The following CNTN1 variants were observed in gnomAD, a reference collection of about 807,000 sequenced individuals.
CNTN1 encodes the protein contactin-1.
Under a neutral mutation model 126.4 loss-of-function variants are expected in CNTN1, and 38 were observed. The observed-to-expected ratio is 0.30, with a 90% confidence interval of 0.23 to 0.39. The LOEUF is 0.39. Ranked by LOEUF, CNTN1 falls within the 10% of genes least tolerant of loss-of-function variation. The pLI, the probability that CNTN1 is intolerant of heterozygous loss-of-function variation, is 1.00. For missense variants in CNTN1, 1,009 were observed against 1,248.4 expected (o/e 0.81, Z 2.89); for synonymous variants, 413 against 422.6 (o/e 0.98, Z 0.28).
rs11179577 is a variant in CNTN1, at chr12:41,034,225, T to C, written c.2980+5006T>C. ...CTAATAAATCTGTAATTTATCCTGA[T>C]ATTACCACTGATGATGTAATCTGTA... On this transcript the variant is annotated intron_variant, in intron 23 of 23. Coordinates refer to ENST00000551295, the MANE Select transcript of CNTN1 (RefSeq NM_001843.4). Among the ~76,000 whole-genome samples, 727 of 152,316 alleles carry C rather than the reference T, an allele frequency of 4.8e-3. 9 individuals are homozygous for C. Among genetic ancestry groups the C allele is most frequent in the African/African-American group, 0.016 (682 of 41,576 alleles).
At chr12:41,026,606 G>A (rs1008734787) in intron 21 of CNTN1, among the ~76,000 whole-genome samples, 1 of 152,170 alleles carries the variant, frequency 6.6e-6, no homozygotes, top group East Asian at 1.9e-4. Context: ...AATATTTTAG[G>A]TGTGGAAAGG....
Position 40,851,942 on chromosome 12 carries a change from G to T in CNTN1, c.-76-56415G>T, listed in dbSNP as rs1942729647. Among the ~76,000 whole-genome samples the T allele has an allele frequency of 2.0e-5, 3 of 152,092 alleles. No homozygotes were observed. The South Asian group carries it at 6.2e-4, about 32-fold the overall frequency. On this transcript the variant is annotated intron_variant, in intron 1 of 23. Coordinates refer to ENST00000551295, the MANE Select transcript of CNTN1 (RefSeq NM_001843.4). Reference sequence around the variant, plus strand: ...TAGCATAATCTGAGGGTCAAGTTTTGGGCCCTCTGAGGTGAAAAGGACATC... The same window carrying T: ...TAGCATAATCTGAGGGTCAAGTTTTTGGCCCTCTGAGGTGAAAAGGACATC...
At chr12:40,956,367 G>C (rs1946881180) in intron 14 of CNTN1, among the ~76,000 whole-genome samples, 1 of 152,048 alleles carries the variant, frequency 6.6e-6, no homozygotes, top group Admixed American at 6.6e-5. Context: ...AATCACAAAA[G>C]TGTTTAACTG....
intron 2 of CNTN1, among the ~76,000 whole-genome samples, 188 bp from the exon 3 acceptor site, chr12:40,909,885 G>A (rs1194999984): frequency 1.3e-5 from 2 of 151,712 alleles, no homozygotes; most frequent in Non-Finnish European, 1.5e-5. Flanking sequence ...TGCAAACTTC[G>A]GTGCTGCAAC....
In CNTN1 at chr12:40,992,961, C is replaced by G. The variant is rs12819981; in HGVS notation, c.1964-159C>G. 0.04 allele frequency among the ~76,000 whole-genome samples: 6,116 copies of G among 152,276 alleles called. 190 individuals carry two copies. The highest frequency in any genetic ancestry group is 0.086 in the African/African-American group (3,581 of 41,544). ...ATTATATATTAAACCTCTTCTCTTA[C>G]TCCCTTGAATTTAACATTTTGTCAT... On this transcript the variant is annotated intron_variant, in intron 16 of 23. Transcript: ENST00000551295.
In CNTN1 at chr12:40,932,522, T is replaced by C. The variant is rs11179094; in HGVS notation, c.704-939T>C. Among the ~76,000 whole-genome samples, 733 of 152,092 alleles carry C rather than the reference T, an allele frequency of 4.8e-3. 6 individuals are homozygous for C. The highest frequency in any genetic ancestry group is 0.016 in the African/African-American group (685 of 41,528). On this transcript the variant is annotated intron_variant, in intron 7 of 23. Coordinates refer to ENST00000551295, the MANE Select transcript of CNTN1 (RefSeq NM_001843.4). Reference sequence around the variant, plus strand: ...ATATATTACCTATTGAGAAAATTCATCTCAAAATATTATTTTTTCAGTCCT... The same window carrying C: ...ATATATTACCTATTGAGAAAATTCACCTCAAAATATTATTTTTTCAGTCCT...
intron 1 of CNTN1, among the ~76,000 whole-genome samples, chr12:40,734,819 C>T (rs960698111): frequency 7.2e-5 from 11 of 152,026 alleles, no homozygotes; most frequent in South Asian, 6.2e-4. Flanking sequence ...AATGGAGAAC[C>T]AACATCTGGG....
chr12:40,980,752 C>T (rs995545305), intron 15 of CNTN1, among the ~76,000 whole-genome samples, 157 bp from the exon 16 acceptor site: 1 of 152,310 alleles, frequency 6.6e-6, no homozygotes, highest in East Asian at 1.9e-4. Context: ...CAAATGATAT[C>T]ACTTCTTATA....
At chr12:40,792,078 A>G (rs1182261367) in intron 1 of CNTN1, among the ~76,000 whole-genome samples, 2 of 152,130 alleles carry the variant, frequency 1.3e-5, no homozygotes, top group African/African-American at 4.8e-5. Context: ...GAATTCATAG[A>G]AAAAAATTAA....
At chr12:40,948,335 GA>G (rs1293175726) in intron 14 of CNTN1, among the ~76,000 whole-genome samples, 1 of 125,768 alleles carries the variant, frequency 8.0e-6, no homozygotes, top group African/African-American at 3.1e-5. Context: ...TGCTGTGCTG[GA>G]TACTTAGACT....
intron 20 of CNTN1, among the ~76,000 whole-genome samples, 173 bp from the exon 21 acceptor site, chr12:41,024,977 C>T (rs1195840322): frequency 6.6e-6 from 1 of 151,964 alleles, no homozygotes; most frequent in Non-Finnish European, 1.5e-5. Flanking sequence ...GTCATTCCTG[C>T]CCTGTATGCT....
chr12:40,885,595 A>T (rs999362640), intron 1 of CNTN1, among the ~76,000 whole-genome samples: 14 of 152,002 alleles, frequency 9.2e-5, no homozygotes, highest in Non-Finnish European at 1.5e-4. Flanking sequence ...AGCATTTACC[A>T]TAGAGATTTT....
rs369769157 is a variant in CNTN1, at chr12:40,809,234, C to T, written c.-76-99123C>T. Among the ~76,000 whole-genome samples the T allele has an allele frequency of 2.6e-5, 4 of 152,228 alleles. No homozygotes were observed. In the East Asian group the frequency reaches 5.8e-4, roughly 22 times the overall value. ...CTCTTTAATTTCATAGGACAGATGTCTGTGATAAAATCTTTTCCAGGAAAT... is the reference window on the plus strand; with the variant it reads ...CTCTTTAATTTCATAGGACAGATGTTTGTGATAAAATCTTTTCCAGGAAAT... On this transcript the variant is annotated intron_variant, in intron 1 of 23. Coordinates refer to ENST00000551295, the MANE Select transcript of CNTN1 (RefSeq NM_001843.4).
chr12:40,946,874 C>T (rs959583327), intron 14 of CNTN1, among the ~76,000 whole-genome samples: 1 of 151,852 alleles, frequency 6.6e-6, no homozygotes, highest in Non-Finnish European at 1.5e-5. Flanking sequence ...GACTTCTTTT[C>T]CTTCATGAAA....
intron 23 of CNTN1, among the ~76,000 whole-genome samples, chr12:41,056,855 TTATTA>T (rs1302352117): frequency 3.4e-5 from 5 of 145,438 alleles, no homozygotes; most frequent in African/African-American, 1.2e-4. Context: ...AGATCATAAT[TTATTA>T]TATTATAAAT....
chr12:40,713,973 C>T (rs1052923552), intron 1 of CNTN1, among the ~76,000 whole-genome samples: 3 of 151,978 alleles, frequency 2.0e-5, no homozygotes, highest in African/African-American at 7.2e-5. Context: ...AAGTGACCTC[C>T]CTGGTGGGTA....
chr12:40,862,470 A>G (rs1335766077), intron 1 of CNTN1, among the ~76,000 whole-genome samples: 3 of 151,872 alleles, frequency 2.0e-5, no homozygotes, highest in Non-Finnish European at 2.9e-5. Context: ...AAAATGTTAC[A>G]TGTGTTTCCT....
chr12:40,831,710 T>G (rs780558209), intron 1 of CNTN1, among the ~76,000 whole-genome samples: 49 of 152,148 alleles, frequency 3.2e-4, no homozygotes, highest in Non-Finnish European at 5.0e-4. Flanking sequence ...TGTTCATCAA[T>G]CTCTTTCTTC....
chr12:40,817,246 G>A (rs118179198), intron 1 of CNTN1, among the ~76,000 whole-genome samples: 4,970 of 152,230 alleles, frequency 0.033, 132 homozygotes, highest in Non-Finnish European at 0.054. Context: ...TGACAGTGGG[G>A]TGTTAAAGTC....
Sources: gnomAD v4.1 joint callset for allele counts (sites outside exome capture counted in the v4.1 genomes callset) on GRCh38, gnomAD v4.1.1 for gene constraint, MANE v1.5 for transcripts, NCBI Gene and HGNC (gene_info 2026-07-23, HGNC 2026-07-21) for gene names.